Variants in AGBL1 observed in about 807,000 individuals in gnomAD.
AGBL1 encodes the protein AGBL carboxypeptidase 1.
AGBL1 carries 130 observed loss-of-function variants against 118.9 expected under a neutral mutation model. That is an observed-to-expected ratio of 1.09 (90% CI 0.95 to 1.26). The LOEUF (loss-of-function observed/expected upper bound fraction) is 1.26. Among genes scored for constraint, AGBL1 ranks in the 50% most tolerant of loss-of-function variants. AGBL1 has a pLI of 0.00. For synonymous variants in AGBL1, 555 were observed against 478.9 expected, an observed-to-expected ratio of 1.16 and a Z score of -2.08; for missense variants, 1,584 against 1,298.1, an observed-to-expected ratio of 1.22 and a Z score of -3.38.
At chr15:86,783,511 T>C (rs1299154877) in intron 22 of AGBL1, among the ~76,000 whole-genome samples, 1 of 152,232 alleles carries the variant, frequency 6.6e-6, no homozygotes, top group Non-Finnish European at 1.5e-5. Flanking sequence ...CTTCCCATCA[T>C]GGTAGAGTGG....
chr15:86,862,132 T>TG (rs1401622122), intron 22 of AGBL1, among the ~76,000 whole-genome samples: 3 of 152,184 alleles, frequency 2.0e-5, no homozygotes, highest in African/African-American at 7.2e-5. Context: ...TAGAATCATT[T>TG]GGGGTTAAGT....
chr15:86,173,185 TTTA>T (rs1276234066), intron 5 of AGBL1: 2 of 152,216 alleles, frequency 1.3e-5, no homozygotes, highest in African/African-American at 4.8e-5. Context: ...CTTTGCCCAC[TTTA>T]TTATTATCAT....
chr15:86,880,464 G>A (rs536743375), intron 22 of AGBL1, among the ~76,000 whole-genome samples: 1 of 152,316 alleles, frequency 6.6e-6, no homozygotes, highest in East Asian at 1.9e-4. Flanking sequence ...GAGGGCCAAG[G>A]AAGGCTGACA....
chr15:86,234,114 G>T (rs184185308), intron 6 of AGBL1, among the ~76,000 whole-genome samples: 1 of 152,038 alleles, frequency 6.6e-6, no homozygotes, highest in African/African-American at 2.4e-5. Flanking sequence ...TATCTCAAGG[G>T]CTATTCCTCT....
chr15:86,251,856 A>G (rs1460019826), intron 7 of AGBL1, among the ~76,000 whole-genome samples: 2 of 152,174 alleles, frequency 1.3e-5, no homozygotes, highest in Non-Finnish European at 2.9e-5. Flanking sequence ...GATGCCTGAA[A>G]CATTTGGGGA....
chr15:86,180,147 C>A (rs973549917), intron 5 of AGBL1, among the ~76,000 whole-genome samples: 1 of 151,858 alleles, frequency 6.6e-6, no homozygotes, highest in Non-Finnish European at 1.5e-5. Context: ...TCGTTGCACT[C>A]CCAGTGAAAA....
intron 1 of AGBL1, among the ~76,000 whole-genome samples, chr15:86,115,123 A>C (rs563676987): frequency 6.6e-6 from 1 of 152,274 alleles, no homozygotes; most frequent in South Asian, 2.1e-4. Context: ...AAAATGACAC[A>C]ATGAGACCAC....
chr15:86,876,979 CATT>C (rs572177415), intron 22 of AGBL1, among the ~76,000 whole-genome samples: 6 of 152,182 alleles, frequency 3.9e-5, no homozygotes, highest in Admixed American at 2.0e-4. Flanking sequence ...TCCGTATTGT[CATT>C]ATTATTATTT....
At chr15:86,421,785 A>T (rs1044422826) in intron 18 of AGBL1, among the ~76,000 whole-genome samples, 2 of 152,178 alleles carry the variant, frequency 1.3e-5, no homozygotes, top group Non-Finnish European at 2.9e-5. Context: ...AAGGAAAAAA[A>T]GCAGGGGTTG....
chr15:86,723,262 C>CAT, intron 22 of AGBL1, among the ~76,000 whole-genome samples: 2 of 152,138 alleles, frequency 1.3e-5, no homozygotes, highest in Non-Finnish European at 2.9e-5. Context: ...CCCAAATGTC[C>CAT]CAACAATGAT....
chr15:86,369,534 C>T lies in AGBL1; in HGVS notation c.2375-27832C>T, dbSNP rs545136242. 3.5e-4 allele frequency among the ~76,000 whole-genome samples: 53 copies of T among 152,152 alleles called. No homozygotes were observed. The South Asian group carries it at 0.011, about 30-fold the overall frequency. On this transcript the variant is annotated intron_variant, in intron 17 of 22. Transcript: ENST00000614907. ...AGGAACAAAAACAGACTGATAAACA[C>T]AAAATCAGTTGGTTAAAATGAGTGT...
intron 21 of AGBL1, among the ~76,000 whole-genome samples, chr15:86,580,085 A>G (rs1036966502): frequency 2.6e-5 from 4 of 152,206 alleles, no homozygotes; most frequent in African/African-American, 7.2e-5. Flanking sequence ...TTCTTCTGTG[A>G]AATTCTTGAG....
chr15:86,725,503 A>G (rs543809368), intron 22 of AGBL1, among the ~76,000 whole-genome samples: 1 of 152,354 alleles, frequency 6.6e-6, no homozygotes, highest in South Asian at 2.1e-4. Context: ...GCTTAGCTGA[A>G]AAGTTGTGGC....
intron 9 of AGBL1, among the ~76,000 whole-genome samples, chr15:86,261,870 T>C (rs954986383): frequency 1.3e-5 from 2 of 152,088 alleles, no homozygotes; most frequent in African/African-American, 4.8e-5. Context: ...AATTTTTAAA[T>C]GTACAAAGGG....
chr15:87,023,705 C>G (rs1159574824), intron 24 of AGBL1, among the ~76,000 whole-genome samples: 1 of 151,988 alleles, frequency 6.6e-6, no homozygotes. Flanking sequence ...GCACATGGAA[C>G]TTTCTTCAAG....
rs776060266 is a variant in AGBL1, at chr15:86,154,527, C to G, written c.360C>G (p.His120Gln). The change falls in exon 4 of 23, where the codon CAC becomes CAG. Residue 120 changes from histidine (H) to glutamine (Q), a missense_variant. Physicochemically the swap from His to Gln is conservative, Grantham distance 24 (BLOSUM62 0). Coordinates refer to ENST00000614907, the MANE Select transcript of AGBL1 (RefSeq NM_001386094.1). ...TATCCCATGGCCAGAATCTCCTCCA[C>G]TGTCTCTGGGCTCTGCGTGTGTTTG... ...KNLSHGQNLL[H>Q]CLWALRVFAS... 2.4e-5 allele frequency: 39 copies of G among 1,613,074 alleles called. No individual in the cohort carries two copies. The highest frequency in any genetic ancestry group is 3.3e-5 in the Non-Finnish European group (39 of 1,179,504).
intron 21 of AGBL1, among the ~76,000 whole-genome samples, chr15:86,656,554 T>C (rs1023386980): frequency 1.3e-5 from 2 of 152,222 alleles, no homozygotes; most frequent in African/African-American, 4.8e-5. Flanking sequence ...CAGACTTTGG[T>C]AGTGCACTCC....
At chr15:86,448,261 T>C (rs1047117947) in intron 18 of AGBL1, among the ~76,000 whole-genome samples, 2 of 152,218 alleles carry the variant, frequency 1.3e-5, no homozygotes, top group African/African-American at 2.4e-5. Context: ...AGGTAGTATT[T>C]GGATTTGTTA....
intron 22 of AGBL1, among the ~76,000 whole-genome samples, chr15:86,712,119 C>T (rs1052170767): frequency 6.6e-6 from 1 of 152,166 alleles, no homozygotes; most frequent in Admixed American, 6.5e-5. Context: ...GATTTTTATA[C>T]TAACCTAAGC....
Sources: allele counts gnomAD v4.1 joint callset (sites outside exome capture counted in the v4.1 genomes callset), GRCh38; gene constraint gnomAD v4.1.1; transcripts MANE v1.5; gene names NCBI Gene and HGNC (gene_info 2026-07-23, HGNC 2026-07-21).